PLA2R1: variants seen among roughly 807,000 people sequenced by gnomAD.
The protein encoded by PLA2R1 is secretory phospholipase A2 receptor.
In PLA2R1, 158 loss-of-function variants were observed where a neutral mutation model predicts 195.9. The observed-to-expected ratio is 0.81, with a 90% confidence interval of 0.71 to 0.92. PLA2R1 has a LOEUF of 0.92. PLA2R1 is among the 40% of genes least tolerant of loss of function. The pLI, the probability that PLA2R1 is intolerant of heterozygous loss-of-function variation, is 0.00. For missense variants in PLA2R1, 1,626 were observed against 1,764.6 expected (o/e 0.92, Z 1.41); for synonymous variants, 586 against 598.2 (o/e 0.98, Z 0.30).
rs577534096 is a variant in PLA2R1, at chr2:160,062,414, T to C, written c.-11A>G. ...CGGCGACAGCAGCATCGCTAACCAC[T>C]GGGCTCTCCGGGAGCCCCTTGTCCC... On this transcript the variant is annotated 5_prime_UTR_variant, in exon 1 of 30. Coordinates refer to ENST00000283243, the MANE Select transcript of PLA2R1 (RefSeq NM_007366.5). 1 of 1,534,528 alleles carries C rather than the reference T, an allele frequency of 6.5e-7. No individual in the cohort carries two copies. The highest frequency in any genetic ancestry group is 8.8e-7 in the Non-Finnish European group (1 of 1,140,414).
rs939559220 is a variant in PLA2R1 at position 159,967,696 on chromosome 2, T to G, written c.2765-18A>C. On this transcript the variant is annotated intron_variant, in intron 19 of 29. Coordinates refer to ENST00000283243, the MANE Select transcript of PLA2R1 (RefSeq NM_007366.5). ...CCAGAGTCCTGGAGGAGAAAATGGG[T>G]TAGAAATGGCTTAGGAACAATGGCG... is the stretch of plus-strand genomic sequence containing the variant. 2 of 1,610,248 alleles carry G rather than the reference T, an allele frequency of 1.2e-6. No individual in the cohort carries two copies. The highest frequency in any genetic ancestry group is 2.7e-5 in the African/African-American group (2 of 74,786).
intron 11 of PLA2R1, among the ~76,000 whole-genome samples, chr2:159,989,122 T>G (rs1160663834): frequency 6.6e-6 from 1 of 152,180 alleles, no homozygotes; most frequent in Admixed American, 6.5e-5. Context: ...GAAGAGTTGG[T>G]GCATCCAAAG....
intron 3 of PLA2R1, among the ~76,000 whole-genome samples, chr2:160,041,706 TG>T (rs1247823266): frequency 6.6e-6 from 1 of 152,226 alleles, no homozygotes; most frequent in Admixed American, 6.5e-5. Context: ...AGGTTTGTTT[TG>T]AAGTATCCAG....
intron 4 of PLA2R1, among the ~76,000 whole-genome samples, chr2:160,032,419 C>T (rs1469239089): frequency 1.3e-5 from 2 of 152,114 alleles, no homozygotes; most frequent in Non-Finnish European, 2.9e-5. Context: ...ATAAGCGAAA[C>T]ATAAGTCTTA....
intron 14 of PLA2R1, among the ~76,000 whole-genome samples, chr2:159,978,483 G>A (rs555360536): frequency 9.8e-5 from 15 of 152,304 alleles, no homozygotes; most frequent in Admixed American, 3.3e-4. Flanking sequence ...GCAGATATTA[G>A]TGAGAAGCTC....
rs1248480287 is a variant in PLA2R1, at chr2:160,028,871, T to C, written c.934A>G (p.Asn312Asp). The change falls in exon 5 of 30, where the codon AAC becomes GAC. Residue 312 changes from asparagine to aspartate, a missense_variant. Physicochemically the swap from Asn to Asp is conservative, Grantham distance 23 (BLOSUM62 1). Transcript: ENST00000283243. ...GWQWSDGTPLNYLNWSPEVNF... is the reference protein window; with the variant it reads ...GWQWSDGTPLDYLNWSPEVNF... Reference sequence around the variant, plus strand: ...GTACCTGGGCTCCAATTCAGATAGTTGAGCGGCGTTCCATCAGACCACTGC... The same window carrying C: ...GTACCTGGGCTCCAATTCAGATAGTCGAGCGGCGTTCCATCAGACCACTGC... The C allele has an allele frequency of 6.2e-7, 1 of 1,611,000 alleles. No individual in the cohort carries two copies. The highest frequency in any genetic ancestry group is 1.3e-5 in the African/African-American group (1 of 74,890).
At chr2:159,975,176 T>C (rs961996307) in intron 17 of PLA2R1, among the ~76,000 whole-genome samples, 3 of 152,246 alleles carry the variant, frequency 2.0e-5, no homozygotes, top group African/African-American at 7.2e-5. Flanking sequence ...TTTTTAAATT[T>C]ATGTTTTAAA....
intron 8 of PLA2R1, among the ~76,000 whole-genome samples, chr2:160,017,053 C>T (rs976780859): frequency 6.6e-6 from 1 of 152,094 alleles, no homozygotes; most frequent in African/African-American, 2.4e-5. Context: ...GATTATAATT[C>T]CCATTTTAAA....
chr2:159,931,153 T>C (rs73002740), downstream of PLA2R1, among the ~76,000 whole-genome samples: 3,515 of 152,314 alleles, frequency 0.023, 184 homozygotes, highest in East Asian at 0.21. Flanking sequence ...GGTTCCCTCA[T>C]ACGCTTAGCA....
At chr2:159,959,840 C>A (rs996191310) in intron 20 of PLA2R1, among the ~76,000 whole-genome samples, 3 of 152,140 alleles carry the variant, frequency 2.0e-5, no homozygotes, top group Non-Finnish European at 2.9e-5. Flanking sequence ...CTCACCCATC[C>A]CCATTCCCAC....
chr2:160,027,699 C>CAGA (rs1693611473), intron 6 of PLA2R1, among the ~76,000 whole-genome samples: 1 of 152,068 alleles, frequency 6.6e-6, no homozygotes, highest in Non-Finnish European at 1.5e-5. Context: ...ACCTGAAAAA[C>CAGA]AGAAATAATT....
At chr2:160,019,032 A>G (rs969017095) in intron 8 of PLA2R1, among the ~76,000 whole-genome samples, 6 of 152,222 alleles carry the variant, frequency 3.9e-5, no homozygotes, top group Non-Finnish European at 5.9e-5. Flanking sequence ...ATCTTGATCA[A>G]AGAGATTAAG....
At chr2:159,985,165 A>G (rs1690238851) in intron 12 of PLA2R1, among the ~76,000 whole-genome samples, 1 of 152,226 alleles carries the variant, frequency 6.6e-6, no homozygotes, top group Admixed American at 6.5e-5. Flanking sequence ...GCAAATCACT[A>G]CATTTCACAG....
chr2:159,984,593 T>G (rs1261166066), intron 12 of PLA2R1, among the ~76,000 whole-genome samples: 1 of 152,224 alleles, frequency 6.6e-6, no homozygotes, highest in Non-Finnish European at 1.5e-5. Context: ...AAATTAGACC[T>G]GGGACCTAGG....
In PLA2R1 at chr2:160,046,157, T is replaced by C. The variant is rs754611557; in HGVS notation, c.110-1000A>G. Reference sequence around the variant, plus strand: ...AAGTCTCATTTCTTTGGTCTAAGTATGGAGTGTGCTGGGCACATGGTGGAA... The same window carrying C: ...AAGTCTCATTTCTTTGGTCTAAGTACGGAGTGTGCTGGGCACATGGTGGAA... On this transcript the variant is annotated intron_variant, in intron 1 of 29. Transcript: ENST00000283243. Among the ~76,000 whole-genome samples, 7 of 152,224 alleles carry C rather than the reference T, an allele frequency of 4.6e-5. No individual in the cohort carries two copies. In the East Asian group the frequency reaches 1.2e-3, roughly 25 times the overall value.
chr2:159,954,778 G>A (rs1287067502), intron 23 of PLA2R1, among the ~76,000 whole-genome samples: 1 of 152,092 alleles, frequency 6.6e-6, no homozygotes, highest in African/African-American at 2.4e-5. Flanking sequence ...AGATCTAGAA[G>A]ATTGCTGCAT....
intron 15 of PLA2R1, among the ~76,000 whole-genome samples, 196 bp from the exon 16 acceptor site, chr2:159,976,916 A>AG (rs1185266115): frequency 6.6e-6 from 1 of 152,350 alleles, no homozygotes; most frequent in East Asian, 1.9e-4. Context: ...TTCTAATTAA[A>AG]GAAGGAAGGA....
intron 11 of PLA2R1, among the ~76,000 whole-genome samples, chr2:159,993,688 C>T (rs1690998915): frequency 6.6e-6 from 1 of 151,872 alleles, no homozygotes; most frequent in Non-Finnish European, 1.5e-5. Flanking sequence ...CTACTAGGAT[C>T]ACATCAGAAG....
In PLA2R1 at chr2:159,934,968, C is replaced by T. The variant is rs1449319524; in HGVS notation, c.*6810G>A. The stretch of plus-strand genomic sequence containing the variant: ...CTCTTTAGTGTCCTCCAATCCTTGA[C>T]ATTTCCTCAATCTTTCCTTATCTTT... On this transcript the variant is annotated 3_prime_UTR_variant, in exon 30 of 30. Coordinates refer to ENST00000283243, the MANE Select transcript of PLA2R1 (RefSeq NM_007366.5). 1 of 152,226 alleles carries T rather than the reference C, an allele frequency of 6.6e-6. No individual in the cohort carries two copies. The highest frequency in any genetic ancestry group is 6.5e-5 in the Admixed American group (1 of 15,288). 9.4% of individuals were successfully genotyped at this position (152,226 alleles called of 1,614,324 possible).
Sources: gnomAD v4.1 joint callset for allele counts (sites outside exome capture counted in the v4.1 genomes callset) on GRCh38, gnomAD v4.1.1 for gene constraint, MANE v1.5 for transcripts, NCBI Gene and HGNC (gene_info 2026-07-23, HGNC 2026-07-21) for gene names.